The following MEGF11 variants were observed in gnomAD, a reference collection of about 807,000 sequenced individuals.
MEGF11 encodes multiple EGF like domains 11, also known as multiple epidermal growth factor-like domains protein 11.
In MEGF11, 126 loss-of-function variants were observed where a neutral mutation model predicts 146.6. The observed-to-expected ratio is 0.86, with a 90% CI of 0.74 to 1.00. MEGF11 has a LOEUF of 1.00. Ranked by LOEUF, MEGF11 falls within the 50% of genes least tolerant of loss-of-function variation. The pLI is 0.00. For missense variants in MEGF11, 1,509 were observed against 1,521.2 expected, an observed-to-expected ratio of 0.99 and a Z score of 0.13; for synonymous variants, 532 against 583.4, an observed-to-expected ratio of 0.91 and a Z score of 1.27.
At chr15:66,164,315 T>C (rs945421597) in intron 1 of MEGF11, among the ~76,000 whole-genome samples, 5 of 152,210 alleles carry the variant, frequency 3.3e-5, no homozygotes, top group Non-Finnish European at 4.4e-5. Flanking sequence ...TTTCACCTCA[T>C]CACTGTGCCA....
At chr15:66,206,197 C>A (rs1405310078) in intron 1 of MEGF11, among the ~76,000 whole-genome samples, 2 of 151,940 alleles carry the variant, frequency 1.3e-5, no homozygotes, top group African/African-American at 4.8e-5. Flanking sequence ...CAGCAGTGAA[C>A]TGGAAAACAA....
At position 66,117,658 on chromosome 15, in the gene MEGF11, C is replaced by G. The variant is rs148230484; in HGVS notation, c.301+1428G>C. On this transcript the variant is annotated intron_variant, in intron 4 of 25. Transcript: ENST00000395614. Reference sequence around the variant, plus strand: ...TCTGTCCCTGAGGCTTTGTGAGTCCCGTGTCCTACCCCTGGTCTCATTTCG... The same window carrying G: ...TCTGTCCCTGAGGCTTTGTGAGTCCGGTGTCCTACCCCTGGTCTCATTTCG... Among the ~76,000 whole-genome samples, 295 of 152,258 alleles carry G rather than the reference C, an allele frequency of 1.9e-3. 1 individual carries two copies. Among genetic ancestry groups the G allele is most frequent in the African/African-American group, 6.5e-3 (272 of 41,538 alleles).
chr15:65,941,280 G>A lies in MEGF11; in HGVS notation c.1288-10337C>T, dbSNP rs376261758. 3.3e-5 allele frequency among the ~76,000 whole-genome samples: 5 copies of A among 152,092 alleles called. No individual in the cohort carries two copies. In the South Asian group the frequency reaches 6.2e-4, roughly 19 times the overall value. On this transcript the variant is annotated intron_variant, in intron 10 of 25. Transcript: ENST00000395614. ...AAAATACAAAAATTAGTTGGGCGTC[G>A]TGGCAGGCATCTGTAATCCCAGCTA... is the stretch of plus-strand genomic sequence containing the variant.
At chr15:66,193,498 A>T (rs141527521) in intron 1 of MEGF11, among the ~76,000 whole-genome samples, 73 of 152,360 alleles carry the variant, frequency 4.8e-4, no homozygotes, top group Admixed American at 9.8e-4. Flanking sequence ...TTAGATAAGT[A>T]TATAAGTACT....
intron 5 of MEGF11, among the ~76,000 whole-genome samples, chr15:66,056,343 AACAGGAG>A (rs1210118229): frequency 2.6e-5 from 4 of 152,110 alleles, no homozygotes; most frequent in African/African-American, 9.7e-5. Context: ...ACCCTTGTAA[AACAGGAG>A]ATCAAAATAG....
chr15:66,193,582 A>G lies in MEGF11; in HGVS notation c.-9+60023T>C, dbSNP rs538952443. Among the ~76,000 whole-genome samples, 38 of 152,274 alleles carry G rather than the reference A, an allele frequency of 2.5e-4. No homozygotes were observed. In the South Asian group the frequency reaches 7.7e-3, roughly 31 times the overall value. On this transcript the variant is annotated intron_variant, in intron 1 of 25. Transcript: ENST00000395614. ...CCCACAGATTTTTTTCCCACCAAAC[A>G]TAGATCAAAAATACAGTATTTGTGG...
intron 5 of MEGF11, among the ~76,000 whole-genome samples, chr15:66,008,626 C>T (rs938931576): frequency 6.6e-6 from 1 of 152,036 alleles, no homozygotes; most frequent in Non-Finnish European, 1.5e-5. Context: ...GAGTTCCAGA[C>T]CAGCCTTGGC....
chr15:65,995,158 G>A (rs2082163197), intron 5 of MEGF11, among the ~76,000 whole-genome samples: 1 of 152,236 alleles, frequency 6.6e-6, no homozygotes, highest in South Asian at 2.1e-4. Context: ...GGAGGGGCCG[G>A]TAAGAGCACA....
At chr15:66,103,853 C>A (rs1213820068) in intron 4 of MEGF11, among the ~76,000 whole-genome samples, 1 of 152,222 alleles carries the variant, frequency 6.6e-6, no homozygotes, top group African/African-American at 2.4e-5. Flanking sequence ...AGACACTTTA[C>A]AGCACAGACC....
chr15:66,135,978 C>T (rs1426991209), intron 1 of MEGF11, among the ~76,000 whole-genome samples: 2 of 152,172 alleles, frequency 1.3e-5, no homozygotes, highest in Non-Finnish European at 2.9e-5. Flanking sequence ...TGAAGTATCA[C>T]CCTTCCCTGC....
At chr15:66,183,054 G>T (rs2090595348) in intron 1 of MEGF11, among the ~76,000 whole-genome samples, 1 of 152,172 alleles carries the variant, frequency 6.6e-6, no homozygotes, top group South Asian at 2.1e-4. Context: ...TGAAATGGAA[G>T]ATTTGTAGCA....
intron 1 of MEGF11, among the ~76,000 whole-genome samples, chr15:66,130,373 G>A (rs2088588225): frequency 6.6e-6 from 1 of 152,128 alleles, no homozygotes; most frequent in African/African-American, 2.4e-5. Context: ...GATTCTCTCT[G>A]TGGCCCTGAC....
chr15:65,954,417 C>A (rs562369336), intron 10 of MEGF11, among the ~76,000 whole-genome samples: 5 of 152,284 alleles, frequency 3.3e-5, no homozygotes, highest in African/African-American at 1.2e-4. Flanking sequence ...TAATGGCTTC[C>A]CCCTCAGGGC....
At chr15:66,040,816 T>C (rs2083939175) in intron 5 of MEGF11, among the ~76,000 whole-genome samples, 1 of 152,092 alleles carries the variant, frequency 6.6e-6, no homozygotes. Flanking sequence ...TTATGTATGT[T>C]GTGCACTGCT....
At chr15:65,963,229 G>A (rs1596915912) in intron 9 of MEGF11, among the ~76,000 whole-genome samples, 1 of 152,168 alleles carries the variant, frequency 6.6e-6, no homozygotes, top group Non-Finnish European at 1.5e-5. Flanking sequence ...GTCTGAGCCA[G>A]CTGCCCAGTC....
chr15:66,154,350 A>G (rs2089676183), intron 1 of MEGF11, among the ~76,000 whole-genome samples: 1 of 152,212 alleles, frequency 6.6e-6, no homozygotes, highest in Non-Finnish European at 1.5e-5. Flanking sequence ...GCTCTCAGCC[A>G]TCTCTTCTGG....
intron 5 of MEGF11, among the ~76,000 whole-genome samples, chr15:66,017,792 C>A (rs2082943928): frequency 6.6e-6 from 1 of 152,162 alleles, no homozygotes; most frequent in Non-Finnish European, 1.5e-5. Flanking sequence ...AGCACTGTGG[C>A]CTAAGAGTGA....
At chr15:66,191,656 G>T (rs753716926) in intron 1 of MEGF11, among the ~76,000 whole-genome samples, 1 of 152,208 alleles carries the variant, frequency 6.6e-6, no homozygotes, top group Admixed American at 6.5e-5. Flanking sequence ...TATCACAGCG[G>T]CCTCAGAGCA....
At chr15:66,051,461 A>C (rs2084442106) in intron 5 of MEGF11, among the ~76,000 whole-genome samples, 1 of 152,182 alleles carries the variant, frequency 6.6e-6, no homozygotes, top group Non-Finnish European at 1.5e-5. Flanking sequence ...CTTTTCCAAC[A>C]GAGAAGTCTG....
Sources: gnomAD v4.1 joint callset for allele counts (sites outside exome capture counted in the v4.1 genomes callset) on GRCh38, gnomAD v4.1.1 for gene constraint, MANE v1.5 for transcripts, NCBI Gene and HGNC (gene_info 2026-07-23, HGNC 2026-07-21) for gene names.